The following RAD51B variants were observed in gnomAD, a reference collection of about 807,000 sequenced individuals.
RAD51B encodes RAD51 paralog B, also known as DNA repair protein RAD51 homolog 2.
RAD51B carries 38 observed loss-of-function variants against 42.2 expected under a neutral mutation model. That is an observed-to-expected ratio of 0.90 (90% confidence interval 0.70 to 1.18). The LOEUF (loss-of-function observed/expected upper bound fraction) is 1.18. Among genes scored for constraint, RAD51B ranks in the 50% most tolerant of loss-of-function variants. RAD51B has a pLI of 0.00. For synonymous variants in RAD51B, 154 were observed against 145.2 expected (o/e 1.06, Z -0.43); for missense variants, 373 against 400.7 (o/e 0.93, Z 0.59).
At chr14:68,662,801 T>A (rs1595052995) in intron 11 of RAD51B, among the ~76,000 whole-genome samples, 1 of 152,222 alleles carries the variant, frequency 6.6e-6, no homozygotes, top group Non-Finnish European at 1.5e-5. Flanking sequence ...ATGAGAGAAA[T>A]TAACCCTGAG....
chr14:68,305,800 C>T (rs2139706842), intron 8 of RAD51B, among the ~76,000 whole-genome samples: 1 of 152,340 alleles, frequency 6.6e-6, no homozygotes, highest in Non-Finnish European at 1.5e-5. Context: ...TACAAGGTGG[C>T]AGGCTATTAA....
At chr14:67,908,948 C>T (rs2043873220) in intron 7 of RAD51B, 1 of 152,108 alleles carries the variant, frequency 6.6e-6, no homozygotes, top group Non-Finnish European at 1.5e-5. Flanking sequence ...TTCTGAGACA[C>T]TGTTTACTTT....
intron 11 of RAD51B, among the ~76,000 whole-genome samples, chr14:68,653,754 C>T (rs1042682773): frequency 2.6e-5 from 4 of 152,248 alleles, no homozygotes; most frequent in Non-Finnish European, 5.9e-5. Flanking sequence ...GAGACACGAA[C>T]ACAGGCCCAT....
chr14:68,681,377 G>A (rs1566971417), intron 11 of RAD51B, among the ~76,000 whole-genome samples: 1 of 152,142 alleles, frequency 6.6e-6, no homozygotes, highest in Non-Finnish European at 1.5e-5. Context: ...TAAGAGAGAG[G>A]AGGAGGAAGA....
chr14:68,402,209 AT>A (rs1265847372), intron 8 of RAD51B, among the ~76,000 whole-genome samples: 1 of 152,182 alleles, frequency 6.6e-6, no homozygotes, highest in Admixed American at 6.5e-5. Flanking sequence ...TTGAATCTTT[AT>A]TCTAAAAATA....
At chr14:68,337,761 A>G (rs772660727) in intron 8 of RAD51B, among the ~76,000 whole-genome samples, 2 of 152,044 alleles carry the variant, frequency 1.3e-5, no homozygotes, top group African/African-American at 4.8e-5. Context: ...CCTAGGTTAG[A>G]AATTTTTATT....
intron 7 of RAD51B, among the ~76,000 whole-genome samples, chr14:68,185,141 A>G (rs531995655): frequency 6.6e-6 from 1 of 152,310 alleles, no homozygotes; most frequent in South Asian, 2.1e-4. Flanking sequence ...ATGTCTTAAA[A>G]TGTAAAATCA....
intron 7 of RAD51B, among the ~76,000 whole-genome samples, chr14:68,259,056 G>T (rs1343463998): frequency 2.0e-5 from 3 of 152,142 alleles, no homozygotes; most frequent in Non-Finnish European, 4.4e-5. Flanking sequence ...TTTGCCAGTG[G>T]CAGGTGGGCT....
rs544201217 is a variant in RAD51B, at chr14:68,209,241, C to T, written c.757-82643C>T. ...TTTTGGGACATGTTGAAACTGTTTC[C>T]ATTTCATCTGATTTCACTCAGCAAT... On this transcript the variant is annotated intron_variant, in intron 7 of 10. Coordinates refer to ENST00000471583, the MANE Select transcript of RAD51B (RefSeq NM_133510.4). 3.3e-5 allele frequency among the ~76,000 whole-genome samples: 5 copies of T among 152,276 alleles called. No homozygotes were observed. The East Asian group carries it at 9.6e-4, about 29-fold the overall frequency.
intron 10 of RAD51B, among the ~76,000 whole-genome samples, chr14:68,544,143 G>C (rs749554758): frequency 2.6e-5 from 4 of 152,126 alleles, no homozygotes; most frequent in Admixed American, 6.5e-5. Context: ...ATTTAGACTA[G>C]AACTTGGCAG....
At chr14:68,208,211 T>C (rs1384695695) in intron 7 of RAD51B, among the ~76,000 whole-genome samples, 1 of 152,168 alleles carries the variant, frequency 6.6e-6, no homozygotes, top group African/African-American at 2.4e-5. Flanking sequence ...TCAAATTTTA[T>C]AAATTGGGTT....
intron 7 of RAD51B, among the ~76,000 whole-genome samples, chr14:68,109,736 G>C (rs1019895340): frequency 3.4e-4 from 51 of 151,954 alleles, no homozygotes; most frequent in African/African-American, 1.1e-3. Flanking sequence ...GGAAATAGAG[G>C]GCTGAACAGG....
intron 8 of RAD51B, among the ~76,000 whole-genome samples, chr14:68,398,167 G>A (rs1199042857): frequency 6.6e-6 from 1 of 152,234 alleles, no homozygotes; most frequent in Non-Finnish European, 1.5e-5. Flanking sequence ...GGCCTGGGCC[G>A]GGGCCCAGCT....
intron 7 of RAD51B, among the ~76,000 whole-genome samples, chr14:68,026,472 A>G (rs1430165158): frequency 6.6e-6 from 1 of 150,828 alleles, no homozygotes; most frequent in Non-Finnish European, 1.5e-5. Context: ...ATTTTTGTTT[A>G]GCTGTCTGAG....
At chr14:68,588,730 TGA>T (rs1199474285) in intron 10 of RAD51B, among the ~76,000 whole-genome samples, 3 of 152,230 alleles carry the variant, frequency 2.0e-5, no homozygotes, top group Non-Finnish European at 2.9e-5. Context: ...TGAGTTTCCT[TGA>T]GAGAGAGTAG....
At chr14:68,265,288 C>T (rs2080968314) in intron 7 of RAD51B, among the ~76,000 whole-genome samples, 1 of 152,186 alleles carries the variant, frequency 6.6e-6, no homozygotes, top group Non-Finnish European at 1.5e-5. Context: ...AGATTTATTA[C>T]TCATTTATGG....
intron 3 of RAD51B, among the ~76,000 whole-genome samples, chr14:67,832,079 A>G (rs1195354319): frequency 6.6e-6 from 1 of 152,222 alleles, no homozygotes; most frequent in Non-Finnish European, 1.5e-5. Context: ...AAGGAGATAA[A>G]TTATATTACA....
At chr14:67,997,436 T>G (rs2075403707) in intron 7 of RAD51B, among the ~76,000 whole-genome samples, 1 of 152,146 alleles carries the variant, frequency 6.6e-6, no homozygotes. Context: ...GAGTGATGCA[T>G]TATTGCCTTA....
At chr14:68,237,844 C>T (rs1292478794) in intron 7 of RAD51B, among the ~76,000 whole-genome samples, 1 of 151,600 alleles carries the variant, frequency 6.6e-6, no homozygotes, top group East Asian at 1.9e-4. Flanking sequence ...AAGTGATTCC[C>T]CTGCCTCAGC....
Sources: gnomAD v4.1 joint callset for allele counts (sites outside exome capture counted in the v4.1 genomes callset) on GRCh38, gnomAD v4.1.1 for gene constraint, MANE v1.5 for transcripts, NCBI Gene and HGNC (gene_info 2026-07-23, HGNC 2026-07-21) for gene names.